NRXN3: variants seen among roughly 807,000 people sequenced by gnomAD.
NRXN3 encodes the protein neurexin III.
Under a neutral mutation model 137.6 loss-of-function variants are expected in NRXN3, and 32 were observed. The observed-to-expected ratio is 0.23, with a 90% CI of 0.18 to 0.31. NRXN3 has a LOEUF of 0.31. NRXN3 is among the 10% of genes least tolerant of loss of function. NRXN3 has a pLI of 1.00. For synonymous variants in NRXN3, 798 were observed against 784.5 expected, an observed-to-expected ratio of 1.02 and a Z score of -0.29; for missense variants, 1,574 against 2,062.5, an observed-to-expected ratio of 0.76 and a Z score of 4.59.
At chr14:78,913,703 T>G (rs928636486) in intron 10 of NRXN3, among the ~76,000 whole-genome samples, 1 of 152,128 alleles carries the variant, frequency 6.6e-6, no homozygotes, top group Admixed American at 6.5e-5. Flanking sequence ...TGTGCCTTTG[T>G]TTGTAGCAGA....
chr14:79,782,056 A>C (rs2099115494), intron 19 of NRXN3, among the ~76,000 whole-genome samples: 1 of 152,156 alleles, frequency 6.6e-6, no homozygotes, highest in Non-Finnish European at 1.5e-5. Context: ...CAACCTTTGG[A>C]TTCTTTCCAC....
intron 17 of NRXN3, among the ~76,000 whole-genome samples, chr14:79,679,383 A>G (rs1267236361): frequency 6.6e-6 from 1 of 152,180 alleles, no homozygotes. Context: ...TTAATATTAC[A>G]TATAAAGTCA....
chr14:79,054,570 C>T (rs2099652399), intron 15 of NRXN3, among the ~76,000 whole-genome samples: 1 of 152,174 alleles, frequency 6.6e-6, no homozygotes, highest in South Asian at 2.1e-4. Context: ...CAGCAGGTTT[C>T]CCAGTCAAAA....
At chr14:78,955,052 A>G (rs942999960) in intron 10 of NRXN3, among the ~76,000 whole-genome samples, 1 of 152,190 alleles carries the variant, frequency 6.6e-6, no homozygotes, top group African/African-American at 2.4e-5. Flanking sequence ...ATAAAAATTA[A>G]GCGATGTACA....
chr14:79,674,515 A>G (rs2098630167), intron 17 of NRXN3, among the ~76,000 whole-genome samples: 1 of 152,030 alleles, frequency 6.6e-6, no homozygotes, highest in Admixed American at 6.6e-5. Context: ...ACTGTCCACC[A>G]AGGGTCAACT....
chr14:78,223,290 T>C (rs2064074646), intron 1 of NRXN3, among the ~76,000 whole-genome samples: 1 of 152,214 alleles, frequency 6.6e-6, no homozygotes, highest in African/African-American at 2.4e-5. Flanking sequence ...ATGGGGAAAA[T>C]AGTCTGATGC....
intron 4 of NRXN3, among the ~76,000 whole-genome samples, chr14:78,400,127 G>T (rs2091911162): frequency 6.6e-6 from 1 of 152,146 alleles, no homozygotes; most frequent in South Asian, 2.1e-4. Flanking sequence ...ATTGAAAGGG[G>T]ATGATGCAGC....
At chr14:79,732,139 T>C (rs188403511) in intron 19 of NRXN3, among the ~76,000 whole-genome samples, 2 of 152,294 alleles carry the variant, frequency 1.3e-5, no homozygotes, top group African/African-American at 4.8e-5. Flanking sequence ...AACTGGATTT[T>C]TTTTTAAGAG....
At chr14:79,577,811 C>T (rs1240612551) in intron 16 of NRXN3, among the ~76,000 whole-genome samples, 3 of 152,100 alleles carry the variant, frequency 2.0e-5, no homozygotes, top group Non-Finnish European at 4.4e-5. Flanking sequence ...ACTTTGAGGT[C>T]CGGATCAATA....
At chr14:78,619,852 C>A (rs1175466373) in intron 4 of NRXN3, among the ~76,000 whole-genome samples, 2 of 152,084 alleles carry the variant, frequency 1.3e-5, no homozygotes, top group African/African-American at 4.8e-5. Flanking sequence ...AATATAATGC[C>A]CTTAGAACAA....
intron 10 of NRXN3, among the ~76,000 whole-genome samples, chr14:78,827,198 G>A (rs1160950289): frequency 6.7e-6 from 1 of 149,330 alleles, no homozygotes; most frequent in Non-Finnish European, 1.5e-5. Flanking sequence ...TCAGCAACTA[G>A]AAGACAGAAT....
intron 4 of NRXN3, among the ~76,000 whole-genome samples, chr14:78,415,589 A>C (rs4899709): frequency 1 from 151,912 of 152,284 alleles, 75,771 homozygotes; most frequent in Non-Finnish European, 1. Context: ...TCTAACCCAG[A>C]TTCTTACATG....
intron 4 of NRXN3, among the ~76,000 whole-genome samples, chr14:78,321,590 A>C (rs1412530998): frequency 6.6e-6 from 1 of 152,028 alleles, no homozygotes; most frequent in Admixed American, 6.5e-5. Context: ...TCTTGCTAAA[A>C]CATTTCTGAG....
intron 4 of NRXN3, among the ~76,000 whole-genome samples, chr14:78,468,470 T>C (rs759703164): frequency 3.3e-5 from 5 of 152,114 alleles, no homozygotes; most frequent in Non-Finnish European, 5.9e-5. Context: ...CAGAGGCTTG[T>C]TTTTAGGGTA....
intron 9 of NRXN3, among the ~76,000 whole-genome samples, chr14:78,810,093 G>GTA (rs1266610792): frequency 2.0e-5 from 3 of 151,106 alleles, no homozygotes; most frequent in South Asian, 2.1e-4. Context: ...ATACATATGT[G>GTA]TATATATATG....
intron 15 of NRXN3, among the ~76,000 whole-genome samples, chr14:79,132,146 G>T (rs2057610210): frequency 6.6e-6 from 1 of 152,240 alleles, no homozygotes. Flanking sequence ...CTTCTGCGTT[G>T]CTCACGCTGG....
chr14:78,334,280 C>T (rs1237934335), intron 4 of NRXN3, among the ~76,000 whole-genome samples: 1 of 152,134 alleles, frequency 6.6e-6, no homozygotes, highest in African/African-American at 2.4e-5. Context: ...TGAGGGTCAC[C>T]AGCATACAGA....
At chr14:79,542,916 T>A (rs946056533) in intron 16 of NRXN3, among the ~76,000 whole-genome samples, 1 of 151,852 alleles carries the variant, frequency 6.6e-6, no homozygotes, top group Admixed American at 6.6e-5. Context: ...AAGTTTGATA[T>A]AACTAGTAGT....
At position 79,132,538 on chromosome 14, in the gene NRXN3, G is replaced by T. The variant is rs2057686767; in HGVS notation, c.3262+144397G>T. Among the ~76,000 whole-genome samples, 4 of 151,726 alleles carry T rather than the reference G, an allele frequency of 2.6e-5. No individual in the cohort carries two copies. The South Asian group carries it at 8.3e-4, about 32-fold the overall frequency. ...TAATTATACCTATTTCTCCTTTTTT[G>T]GGGTGGCTGCTAGAAAATTTAAAAT... On this transcript the variant is annotated intron_variant, in intron 15 of 20. Coordinates refer to ENST00000335750, the MANE Select transcript of NRXN3 (RefSeq NM_001330195.2).
Sources: gnomAD v4.1 joint callset for allele counts (sites outside exome capture counted in the v4.1 genomes callset) on GRCh38, gnomAD v4.1.1 for gene constraint, MANE v1.5 for transcripts, NCBI Gene and HGNC (gene_info 2026-07-23, HGNC 2026-07-21) for gene names.